The following ACBD6 variants were observed in gnomAD, a reference collection of about 807,000 sequenced individuals.
ACBD6 encodes acyl-CoA-binding domain-containing protein 6.
In ACBD6, 28 loss-of-function variants were observed where a neutral mutation model predicts 37.2. That is an observed-to-expected ratio of 0.75 (90% CI 0.56 to 1.03). The LOEUF (loss-of-function observed/expected upper bound fraction) is 1.03. ACBD6 is among the 50% of genes least tolerant of loss of function. The pLI, the probability that ACBD6 is intolerant of heterozygous loss-of-function variation, is 0.00. For missense variants in ACBD6, 340 were observed against 337.4 expected (o/e 1.01, Z -0.06); for synonymous variants, 113 against 126.8 (o/e 0.89, Z 0.73).
At chr1:180,281,982 T>TA (rs1649327471) in intron 8 of ACBD6, among the ~76,000 whole-genome samples, 1 of 152,244 alleles carries the variant, frequency 6.6e-6, no homozygotes, top group African/African-American at 2.4e-5. Flanking sequence ...TTTGATTTTT[T>TA]AATTCATTTT....
At chr1:180,389,923 T>C (rs1273279670) in intron 6 of ACBD6, among the ~76,000 whole-genome samples, 1 of 152,108 alleles carries the variant, frequency 6.6e-6, no homozygotes, top group Admixed American at 6.6e-5. Context: ...GATGAGTAGG[T>C]TGCGAAAATT....
intron 4 of ACBD6, among the ~76,000 whole-genome samples, chr1:180,414,838 C>T (rs1023338710): frequency 2.6e-5 from 4 of 152,060 alleles, no homozygotes; most frequent in Non-Finnish European, 4.4e-5. Context: ...AATGCTTTTT[C>T]GATCACTTAT....
chr1:180,385,828 G>A (rs1236614347), intron 6 of ACBD6, among the ~76,000 whole-genome samples: 1 of 152,148 alleles, frequency 6.6e-6, no homozygotes, highest in Non-Finnish European at 1.5e-5. Context: ...TGTGTATTTT[G>A]TTACAGCGGA....
At chr1:180,468,109 T>G (rs114765305) in intron 3 of ACBD6, among the ~76,000 whole-genome samples, 1 of 152,214 alleles carries the variant, frequency 6.6e-6, no homozygotes, top group Non-Finnish European at 1.5e-5. Context: ...TAGGATCTTT[T>G]CCAGTCAGGC....
intron 6 of ACBD6, among the ~76,000 whole-genome samples, chr1:180,351,007 T>G (rs1376483955): frequency 6.6e-6 from 1 of 152,210 alleles, no homozygotes; most frequent in Admixed American, 6.5e-5. Flanking sequence ...TTAAATTTAA[T>G]AATTTCAGGG....
At chr1:180,275,514 G>A (rs1403050688) in intron 9 of ACBD6, 1 of 152,238 alleles carries the variant, frequency 6.6e-6, no homozygotes, top group Non-Finnish European at 1.5e-5. Context: ...GCTGATGCCA[G>A]TCTTCCAGAG....
intron 6 of ACBD6, among the ~76,000 whole-genome samples, chr1:180,379,437 TTC>T (rs1017833730): frequency 3.9e-5 from 6 of 151,992 alleles, no homozygotes; most frequent in African/African-American, 1.4e-4. Context: ...TGAAAAAGAA[TTC>T]AAAAAATTGA....
intron 8 of ACBD6, chr1:180,281,413 T>C (rs1649304439): frequency 1.3e-5 from 2 of 152,156 alleles, no homozygotes; most frequent in South Asian, 4.1e-4. Context: ...AAAAAAGAAA[T>C]GAAAGGCAAG....
At chr1:180,339,766 C>T (rs1479482573) in intron 6 of ACBD6, among the ~76,000 whole-genome samples, 1 of 151,872 alleles carries the variant, frequency 6.6e-6, no homozygotes, top group Admixed American at 6.6e-5. Flanking sequence ...ACAAAAATCT[C>T]GCCCTAATTG....
In ACBD6 at chr1:180,483,508, A is replaced by T. The variant is rs528582760; in HGVS notation, c.384+8761T>A. ...GTTGTTCTGCTGTGTTCAGTGCTAA[A>T]TCCCCAGCCCCTAGAACTACAACTT... is the stretch of plus-strand genomic sequence containing the variant. On this transcript the variant is annotated intron_variant, in intron 3 of 7. Coordinates refer to ENST00000367595, the MANE Select transcript of ACBD6 (RefSeq NM_032360.4). Among the ~76,000 whole-genome samples, 69 of 152,260 alleles carry T rather than the reference A, an allele frequency of 4.5e-4. 1 individual carries two copies. Among genetic ancestry groups the T allele is most frequent in the African/African-American group, 1.7e-3 (69 of 41,538 alleles).
intron 6 of ACBD6, among the ~76,000 whole-genome samples, chr1:180,326,828 T>C (rs982345445): frequency 2.0e-5 from 3 of 152,068 alleles, no homozygotes; most frequent in Admixed American, 2.0e-4. Context: ...TGACCCAGGA[T>C]GTGTCTAGAA....
In ACBD6 at chr1:180,337,916, T is replaced by C. The variant is rs573465781; in HGVS notation, c.664-23194A>G. ...CCATTCACAAGTGCTTCGAAGAGAA[T>C]AAAATACCTAGGAATACAACTTACA... On this transcript the variant is annotated intron_variant, in intron 6 of 7. Coordinates refer to ENST00000367595, the MANE Select transcript of ACBD6 (RefSeq NM_032360.4). 1.8e-4 allele frequency among the ~76,000 whole-genome samples: 27 copies of C among 152,162 alleles called. No homozygotes were observed. The South Asian group carries it at 5.6e-3, about 32-fold the overall frequency.
intron 3 of ACBD6, among the ~76,000 whole-genome samples, chr1:180,469,535 A>T (rs371022837): frequency 1.3e-5 from 2 of 152,238 alleles, no homozygotes; most frequent in South Asian, 2.1e-4. Context: ...CTTGGTTAAT[A>T]AAATCTAATT....
At chr1:180,405,434 A>G (rs1369102277) in intron 5 of ACBD6, among the ~76,000 whole-genome samples, 1 of 152,238 alleles carries the variant, frequency 6.6e-6, no homozygotes, top group Non-Finnish European at 1.5e-5. Flanking sequence ...AAAGGAAAGA[A>G]TGTAACTAAA....
rs1649016073 is a variant in ACBD6, at chr1:180,435,841, C to G, written c.385-5579G>C. On this transcript the variant is annotated intron_variant, in intron 3 of 7. Coordinates refer to ENST00000367595, the MANE Select transcript of ACBD6 (RefSeq NM_032360.4). Reference sequence around the variant, plus strand: ...TGATGGGTTTAGGATACACTCAGACCCTAAAACCAGGTATCAAATTGACAC... The same window carrying G: ...TGATGGGTTTAGGATACACTCAGACGCTAAAACCAGGTATCAAATTGACAC... The G allele has an allele frequency of 4.3e-6, 5 of 1,170,136 alleles. No homozygotes were observed. The East Asian group carries it at 1.2e-4, about 27-fold the overall frequency. 72.5% of individuals were successfully genotyped at this position (1,170,136 alleles called of 1,614,324 possible). A position where few individuals can be genotyped will look rare whatever the true frequency, so the allele number is the denominator to read the frequency against.
In ACBD6 at chr1:180,477,239, A is replaced by C. The variant is rs76122942; in HGVS notation, c.384+15030T>G. Among the ~76,000 whole-genome samples, 778 of 152,304 alleles carry C rather than the reference A, an allele frequency of 5.1e-3. 5 individuals are homozygous for C. The highest frequency in any genetic ancestry group is 0.018 in the African/African-American group (737 of 41,554). ...ATTTTCCACTTAATATTTTTGGACC[A>C]CCGTTGACCTCAGGTGACTGAAACC... On this transcript the variant is annotated intron_variant, in intron 3 of 7. Coordinates refer to ENST00000367595, the MANE Select transcript of ACBD6 (RefSeq NM_032360.4).
chr1:180,356,826 G>A (rs1228046809), intron 6 of ACBD6, among the ~76,000 whole-genome samples: 1 of 145,472 alleles, frequency 6.9e-6, no homozygotes, highest in South Asian at 2.3e-4. Flanking sequence ...ACTCCAGCCT[G>A]GGCAACAGAG....
chr1:180,361,282 T>C (rs1373906769), intron 6 of ACBD6, among the ~76,000 whole-genome samples: 2 of 144,876 alleles, frequency 1.4e-5, no homozygotes, highest in Non-Finnish European at 3.0e-5. Context: ...TTCCTTTTTT[T>C]TTTTTTTTTA....
chr1:180,334,776 G>A (rs140637100), intron 6 of ACBD6, among the ~76,000 whole-genome samples: 2,791 of 152,106 alleles, frequency 0.018, 88 homozygotes, highest in African/African-American at 0.063. Context: ...AAAATTAGAC[G>A]AATGGCTAAC....
Sources: gnomAD v4.1 joint callset for allele counts (sites outside exome capture counted in the v4.1 genomes callset) on GRCh38, gnomAD v4.1.1 for gene constraint, MANE v1.5 for transcripts, NCBI Gene and HGNC (gene_info 2026-07-23, HGNC 2026-07-21) for gene names.